UBN2: variants seen among roughly 807,000 people sequenced by gnomAD.
The protein encoded by UBN2 is ubinuclein 2.
A neutral mutation model predicts 120.2 loss-of-function variants in UBN2; 35 were observed. The ratio of observed to expected loss-of-function variants is 0.29; its 90% CI spans 0.22 to 0.39. The LOEUF (loss-of-function observed/expected upper bound fraction) is 0.39. UBN2 is among the 10% of genes least tolerant of loss of function. The pLI, the probability that UBN2 is intolerant of heterozygous loss-of-function variation, is 1.00. For missense variants in UBN2, 1,693 were observed against 1,663.2 expected (o/e 1.02, Z -0.31); for synonymous variants, 661 against 648.7 (o/e 1.02, Z -0.29).
Position 139,306,803 on chromosome 7 carries a change from G to C in UBN2, c.*8967G>C, listed in dbSNP as rs1798366394. On this transcript the variant is annotated 3_prime_UTR_variant, in exon 18 of 18. Transcript: ENST00000473989. ...CTTAAAAGAAGAAAATAGATCTCCA[G>C]CTGGTGAAAATTTTGTGCCCCAAAT... 6.6e-6 allele frequency: 1 copy of C among 152,220 alleles called. No homozygotes were observed. The highest frequency in any genetic ancestry group is 2.4e-5 in the African/African-American group (1 of 41,456). 9.4% of individuals were successfully genotyped at this position (152,220 alleles called of 1,614,324 possible).
intron 2 of UBN2, among the ~76,000 whole-genome samples, chr7:139,248,891 G>A (rs982374011): frequency 7.2e-5 from 11 of 151,892 alleles, no homozygotes; most frequent in Non-Finnish European, 1.3e-4. Context: ...TAATATAAAG[G>A]TCTCAGTCTG....
intron 6 of UBN2, among the ~76,000 whole-genome samples, chr7:139,262,800 G>A (rs541928512): frequency 4.7e-4 from 71 of 151,974 alleles, no homozygotes; most frequent in Admixed American, 1.4e-3. Flanking sequence ...ATTAAACAGC[G>A]GGATTCACCT....
At chr7:139,280,446 A>G (rs914601784) in intron 13 of UBN2, among the ~76,000 whole-genome samples, 8 of 152,192 alleles carry the variant, frequency 5.3e-5, no homozygotes, top group Non-Finnish European at 8.8e-5. Flanking sequence ...TTTTAATGAA[A>G]GCTCATACTC....
chr7:139,283,135 G>C lies in UBN2; in HGVS notation c.2230G>C (p.Ala744Pro), dbSNP rs755586590. 6.8e-6 allele frequency: 11 copies of C among 1,612,460 alleles called. No homozygotes were observed. In the South Asian group the frequency reaches 1.2e-4, roughly 18 times the overall value. Reference protein sequence around the residue: ...AAIAAASSSSAPAQETICLDD... With the variant: ...AAIAAASSSSPPAQETICLDD... ...CATTGCTGCAGCTAGCTCTAGCTCT[G>C]CACCAGCCCAAGAAACCATCTGCCT... Residue 744 changes from alanine (A) to proline (P), a missense_variant, in exon 15 of 18, where the codon GCA (alanine) becomes CCA (proline). Physicochemically the swap from Ala to Pro is conservative, Grantham distance 27. Coordinates refer to ENST00000473989, the MANE Select transcript of UBN2 (RefSeq NM_173569.4).
intron 2 of UBN2, among the ~76,000 whole-genome samples, chr7:139,242,003 C>T (rs547129091): frequency 1.3e-5 from 2 of 151,830 alleles, no homozygotes; most frequent in Non-Finnish European, 1.5e-5. Flanking sequence ...AGCTCCCCCC[C>T]CCAAAAAAAG....
chr7:139,261,541 GC>G lies in UBN2; in HGVS notation c.1198del (p.Leu400Ter), dbSNP rs757051401. ...TGAGCTGTTTCAGGAAGCTGAAAATGCCCTAGAGATGCTAGATGATTTTGAC... is the reference window on the plus strand; with the variant it reads ...TGAGCTGTTTCAGGAAGCTGAAAATGCCTAGAGATGCTAGATGATTTTGAC... ...EHELFQEAEN[A>X]LEMLDDFDFD... On this transcript the variant is annotated frameshift_variant, in exon 6 of 18. Transcript: ENST00000473989. LOFTEE classifies it high-confidence loss of function. The G allele has an allele frequency of 6.2e-7, 1 of 1,614,176 alleles. No individual in the cohort carries two copies. Among genetic ancestry groups the G allele is most frequent in the South Asian group, 1.1e-5 (1 of 91,084 alleles).
rs771698732 is a variant in UBN2, at chr7:139,284,304, C to T, written c.3399C>T (p.Arg1133=). Residue 1133 remains arginine (R), a synonymous_variant, in exon 15 of 18, where the codon CGC becomes CGT. Coordinates refer to ENST00000473989, the MANE Select transcript of UBN2 (RefSeq NM_173569.4). ...SPTLNLLPSS[R]TSGLPPTKNL... is the part of the protein sequence containing the mutation. ...CCTTGAATTTATTGCCCTCTAGTCGCACTTCAGGCCTTCCACCTACAAAAA... is the reference window on the plus strand; with the variant it reads ...CCTTGAATTTATTGCCCTCTAGTCGTACTTCAGGCCTTCCACCTACAAAAA... The T allele has an allele frequency of 1.3e-5, 21 of 1,614,070 alleles. No homozygotes were observed. Among genetic ancestry groups the T allele is most frequent in the African/African-American group, 9.3e-5 (7 of 74,910 alleles).
the UBN2 span, among the ~76,000 whole-genome samples, chr7:139,313,826 T>C: frequency 1.3e-5 from 2 of 151,816 alleles, no homozygotes; most frequent in Non-Finnish European, 2.9e-5. Flanking sequence ...CCATAATACC[T>C]ATATATGATC....
the UBN2 span, among the ~76,000 whole-genome samples, chr7:139,324,604 A>C: frequency 3.3e-5 from 5 of 151,704 alleles, no homozygotes; most frequent in African/African-American, 1.2e-4. Context: ...ATGAAGAGAG[A>C]AATTTGAAAA....
chr7:139,234,458 A>G (rs1398865483), intron 1 of UBN2, among the ~76,000 whole-genome samples: 3 of 152,196 alleles, frequency 2.0e-5, no homozygotes, highest in Non-Finnish European at 2.9e-5. Flanking sequence ...GGAAAGCACA[A>G]TTAAATAATT....
At chr7:139,245,063 A>G (rs999113894) in intron 2 of UBN2, among the ~76,000 whole-genome samples, 5 of 147,360 alleles carry the variant, frequency 3.4e-5, no homozygotes, top group Non-Finnish European at 7.5e-5. Context: ...CCTCCCAAGT[A>G]GCTGGGACTA....
chr7:139,231,658 C>A lies in UBN2; in HGVS notation c.174C>A (p.Ala58=), dbSNP rs548466365. ...AGCCGCCGGCCCCGCGGGAGCCTGC[C>A]CCCCGCTCGGACGCGCAGCCCCCGT... The part of the protein sequence containing the change: ...RAEPPAPREP[A]PRSDAQPPSR... The change falls in exon 1 of 18, where the codon GCC becomes GCA. Residue 58 remains alanine, a synonymous_variant. Coordinates refer to ENST00000473989, the MANE Select transcript of UBN2 (RefSeq NM_173569.4). 3.3e-6 allele frequency: 4 copies of A among 1,201,434 alleles called. No homozygotes were observed. The highest frequency in any genetic ancestry group is 4.1e-6 in the Non-Finnish European group (4 of 971,182). 74.4% of individuals were successfully genotyped at this position (1,201,434 alleles called of 1,614,324 possible). A position where few individuals can be genotyped will look rare whatever the true frequency, so the allele number is the denominator to read the frequency against.
chr7:139,277,615 T>C (rs1325427616), intron 12 of UBN2: 2 of 152,216 alleles, frequency 1.3e-5, no homozygotes. Flanking sequence ...GTTCTGTTTT[T>C]TTTAGTATAA....
chr7:139,283,779 A>G lies in UBN2; in HGVS notation c.2874A>G (p.Leu958=), dbSNP rs371314707. The G allele has an allele frequency of 4.3e-6, 7 of 1,613,852 alleles. No homozygotes were observed. Among genetic ancestry groups the G allele is most frequent in the Middle Eastern group, 1.6e-4 (1 of 6,084 alleles). Residue 958 remains leucine, a synonymous_variant, in exon 15 of 18, where the codon TTA becomes TTG. Coordinates refer to ENST00000473989, the MANE Select transcript of UBN2 (RefSeq NM_173569.4). ...CCCAGACCAACCCCGTCGTGAAGTT[A>G]AGTAATAATCCCCAACTCTCCTGTT... ...SKSQTNPVVK[L]SNNPQLSCSS...
chr7:139,312,832 T>C (rs1404379623), downstream of UBN2, among the ~76,000 whole-genome samples: 1 of 152,220 alleles, frequency 6.6e-6, no homozygotes, highest in East Asian at 1.9e-4. Flanking sequence ...GTATACTGTG[T>C]AATGTAGGGA....
intron 6 of UBN2, among the ~76,000 whole-genome samples, chr7:139,265,477 CA>C (rs957505688): frequency 2.0e-5 from 3 of 150,016 alleles, no homozygotes; most frequent in East Asian, 3.9e-4. Context: ...GACTCCGTCT[CA>C]AAAAAAAAGA....
chr7:139,266,303 G>T (rs769617146), intron 6 of UBN2, 30 bp from the exon 7 acceptor site: 5 of 1,411,438 alleles, frequency 3.5e-6, no homozygotes, highest in South Asian at 2.5e-5. Flanking sequence ...GGCCTATTTT[G>T]ATTTATTATC....
At chr7:139,256,724 G>A (rs946345650) in intron 3 of UBN2, among the ~76,000 whole-genome samples, 1 of 152,126 alleles carries the variant, frequency 6.6e-6, no homozygotes, top group African/African-American at 2.4e-5. Context: ...ATTTGCAGAT[G>A]GTACTGCCCC....
At chr7:139,320,974 T>C in the UBN2 span, among the ~76,000 whole-genome samples, 2 of 152,226 alleles carry the variant, frequency 1.3e-5, no homozygotes, top group African/African-American at 4.8e-5. Context: ...CACAGCCCGC[T>C]TCCTAAGTCA....
Sources: allele counts gnomAD v4.1 joint callset (sites outside exome capture counted in the v4.1 genomes callset), GRCh38; gene constraint gnomAD v4.1.1; transcripts MANE v1.5; gene names NCBI Gene and HGNC (gene_info 2026-07-23, HGNC 2026-07-21).